The following DPP6 variants were observed in gnomAD, a reference collection of about 807,000 sequenced individuals.
DPP6 encodes the protein A-type potassium channel modulatory protein DPP6.
A neutral mutation model predicts 122.6 loss-of-function variants in DPP6; 69 were observed. The observed-to-expected ratio is 0.56, with a 90% confidence interval of 0.46 to 0.69. DPP6 has a LOEUF of 0.69. Ranked by LOEUF, DPP6 falls within the 30% of genes least tolerant of loss-of-function variation. DPP6 has a pLI of 0.00. For synonymous variants in DPP6, 418 were observed against 433.1 expected (o/e 0.97, Z 0.43); for missense variants, 928 against 1,116.9 (o/e 0.83, Z 2.41).
At chr7:154,310,186 G>A (rs577510152) in intron 1 of DPP6, among the ~76,000 whole-genome samples, 8 of 152,214 alleles carry the variant, frequency 5.3e-5, no homozygotes, top group Non-Finnish European at 8.8e-5. Flanking sequence ...GAGCTGATGG[G>A]GAGCAGCATG....
intron 1 of DPP6, among the ~76,000 whole-genome samples, chr7:154,333,136 A>G (rs1486983255): frequency 1.3e-5 from 2 of 151,934 alleles, no homozygotes; most frequent in African/African-American, 4.8e-5. Flanking sequence ...CTTCAAGCGT[A>G]TTTGTTTTTC....
At chr7:154,631,567 C>T (rs533331209) in intron 5 of DPP6, among the ~76,000 whole-genome samples, 4 of 151,500 alleles carry the variant, frequency 2.6e-5, no homozygotes, top group East Asian at 1.9e-4. Flanking sequence ...TTTGGGAGGC[C>T]GAGGCAGGAG....
rs551499251 is a variant in DPP6 at position 153,919,221 on chromosome 7, G to A, written c.51+31487G>A. On this transcript the variant is annotated intron_variant, in intron 1 of 25. Coordinates refer to the DPP6 transcript ENST00000404039. Reference sequence around the variant, plus strand: ...GAGAATTTGCTACCTGAGGACACTCGGTGTCATCCAGGTGCTAGGTGATCT... The same window carrying A: ...GAGAATTTGCTACCTGAGGACACTCAGTGTCATCCAGGTGCTAGGTGATCT... Among the ~76,000 whole-genome samples the A allele has an allele frequency of 2.8e-4, 42 of 152,212 alleles. No individual in the cohort carries two copies. In the East Asian group the frequency reaches 7.0e-3, roughly 25 times the overall value.
chr7:154,380,624 C>T (rs2151140909), intron 1 of DPP6, among the ~76,000 whole-genome samples: 1 of 152,352 alleles, frequency 6.6e-6, no homozygotes, highest in South Asian at 2.1e-4. Context: ...CTTCTCTTTG[C>T]TCCAGTGCTA....
chr7:153,995,193 G>T (rs892690475), intron 1 of DPP6, among the ~76,000 whole-genome samples: 1 of 152,254 alleles, frequency 6.6e-6, no homozygotes, highest in African/African-American at 2.4e-5. Context: ...AGCCATTGAG[G>T]TGCTATTCAC....
chr7:154,229,664 T>C (rs935774502), intron 1 of DPP6, among the ~76,000 whole-genome samples: 30 of 152,194 alleles, frequency 2.0e-4, no homozygotes, highest in Non-Finnish European at 7.3e-5. Context: ...ATTTCTTCCA[T>C]AAACTTTTTA....
At chr7:153,761,127 T>C in the DPP6 span, among the ~76,000 whole-genome samples, 6 of 152,078 alleles carry the variant, frequency 3.9e-5, no homozygotes, top group Admixed American at 2.6e-4. Flanking sequence ...TCAGTGTCCT[T>C]CTTCGCTTTC....
Position 154,784,964 on chromosome 7 carries a change from T to A in DPP6, c.1137-9115T>A, listed in dbSNP as rs116329617. ...ATTTCTTGAGGAGCTTGAAAAAAAA[T>A]ATCTTATTCTTATGAACTTGGTCTG... On this transcript the variant is annotated intron_variant, in intron 10 of 25. Coordinates refer to ENST00000377770, the MANE Select transcript of DPP6 (RefSeq NM_130797.4). Among the ~76,000 whole-genome samples, 1,112 of 152,108 alleles carry A rather than the reference T, an allele frequency of 7.3e-3. 11 individuals are homozygous for A. Among genetic ancestry groups the A allele is most frequent in the African/African-American group, 0.025 (1,041 of 41,528 alleles).
chr7:153,895,345 T>A (rs1236501764), intron 1 of DPP6, among the ~76,000 whole-genome samples: 1 of 152,202 alleles, frequency 6.6e-6, no homozygotes, highest in Non-Finnish European at 1.5e-5. Flanking sequence ...CCTGGACTGC[T>A]GTTTCCTCAT....
intron 1 of DPP6, among the ~76,000 whole-genome samples, chr7:154,120,935 A>G (rs7456336): frequency 0.4 from 60,170 of 152,030 alleles, 13,407 homozygotes; most frequent in Non-Finnish European, 0.51. Context: ...AATAATCCCC[A>G]CAGGTCAAGG....
At chr7:154,431,538 T>C (rs150805612) in intron 1 of DPP6, among the ~76,000 whole-genome samples, 21,793 of 107,228 alleles carry the variant, frequency 0.2, 3,010 homozygotes, top group South Asian at 0.28. Flanking sequence ...TTCTTTCTTT[T>C]TTTTTTTTTT....
chr7:154,443,754 A>G (rs985965621), intron 1 of DPP6, among the ~76,000 whole-genome samples: 2 of 152,204 alleles, frequency 1.3e-5, no homozygotes, highest in Non-Finnish European at 2.9e-5. Context: ...CACTGGGTAG[A>G]AAACTTATTC....
intron 1 of DPP6, among the ~76,000 whole-genome samples, chr7:154,013,954 T>G (rs3852283): frequency 0.98 from 148,110 of 151,438 alleles, 72,437 homozygotes; most frequent in East Asian, 1. Context: ...TTCTTTCCTC[T>G]CTCCCCTTTG....
intron 1 of DPP6, among the ~76,000 whole-genome samples, chr7:153,978,519 T>G (rs1348360934): frequency 1.3e-5 from 2 of 152,236 alleles, no homozygotes; most frequent in East Asian, 3.9e-4. Flanking sequence ...GTTTTTTGTT[T>G]TGCTTTGTTT....
intron 19 of DPP6, among the ~76,000 whole-genome samples, chr7:154,873,833 AAC>A (rs59408656): frequency 0.3 from 38,668 of 129,470 alleles, 5,810 homozygotes; most frequent in Non-Finnish European, 0.38. Context: ...CGCATACATA[AAC>A]ACACACATAT....
intron 2 of DPP6, among the ~76,000 whole-genome samples, chr7:154,471,669 T>A (rs1179145308): frequency 6.6e-6 from 1 of 151,510 alleles, no homozygotes; most frequent in South Asian, 2.1e-4. Flanking sequence ...AGACAGAAGC[T>A]TACAACCAAG....
intron 5 of DPP6, among the ~76,000 whole-genome samples, chr7:154,575,677 T>G (rs1218304533): frequency 2.0e-5 from 3 of 146,750 alleles, no homozygotes; most frequent in Non-Finnish European, 3.0e-5. Context: ...ATGTGTGTGG[T>G]GTGTGTGGTG....
chr7:154,616,113 C>T (rs1834237069), intron 5 of DPP6, among the ~76,000 whole-genome samples: 1 of 152,146 alleles, frequency 6.6e-6, no homozygotes, highest in South Asian at 2.1e-4. Context: ...GGTACAGCCC[C>T]ACCCAGATGT....
chr7:154,673,483 G>A (rs1389532360), intron 7 of DPP6, among the ~76,000 whole-genome samples: 4 of 152,180 alleles, frequency 2.6e-5, no homozygotes, highest in African/African-American at 4.8e-5. Flanking sequence ...CATTTCTCCG[G>A]TAGTAATGAC....
Sources: gnomAD v4.1 joint callset for allele counts (sites outside exome capture counted in the v4.1 genomes callset) on GRCh38, gnomAD v4.1.1 for gene constraint, MANE v1.5 for transcripts, NCBI Gene and HGNC (gene_info 2026-07-23, HGNC 2026-07-21) for gene names.